CELF2: variants seen among roughly 807,000 people sequenced by gnomAD.
CELF2 encodes the protein CUG triplet repeat RNA-binding protein 2.
In CELF2, 8 loss-of-function variants were observed where a neutral mutation model predicts 62.6. The observed-to-expected ratio is 0.13, with a 90% CI of 0.07 to 0.23. The LOEUF (loss-of-function observed/expected upper bound fraction) is 0.23, where lower values mean the gene tolerates loss of function less well. Ranked by LOEUF, CELF2 falls within the 10% of genes least tolerant of loss-of-function variation. The probability of loss-of-function intolerance (pLI) is 1.00; values close to 1 mark genes in which losing one functional copy is unlikely to be tolerated. For missense variants in CELF2, 333 were observed against 671.0 expected (o/e 0.50, Z 5.56); for synonymous variants, 258 against 250.0 (o/e 1.03, Z -0.30).
the CELF2 span, among the ~76,000 whole-genome samples, chr10:10,751,388 T>A: frequency 2.0e-5 from 3 of 152,246 alleles, no homozygotes; most frequent in Non-Finnish European, 2.9e-5. Context: ...GTAGTTCCAA[T>A]TCAGCTATAA....
At chr10:10,961,290 TTTA>T (rs1167784206) in intron 2 of CELF2, among the ~76,000 whole-genome samples, 1 of 152,232 alleles carries the variant, frequency 6.6e-6, no homozygotes. Flanking sequence ...ACACTGTGTA[TTTA>T]TAGTTTGTGA....
chr10:10,722,471 AAATT>A, the CELF2 span, among the ~76,000 whole-genome samples: 1 of 152,134 alleles, frequency 6.6e-6, no homozygotes, highest in South Asian at 2.1e-4. Flanking sequence ...TCCCTAAAAG[AAATT>A]AAATAAGGGC....
the CELF2 span, among the ~76,000 whole-genome samples, chr10:10,708,302 G>A: frequency 6.6e-6 from 1 of 152,186 alleles, no homozygotes; most frequent in South Asian, 2.1e-4. Context: ...CTTTACAGAA[G>A]AGGAAATTGA....
chr10:10,954,042 G>A (rs1052195783), intron 2 of CELF2, among the ~76,000 whole-genome samples: 3 of 151,758 alleles, frequency 2.0e-5, no homozygotes, highest in Non-Finnish European at 4.4e-5. Context: ...TAAAGCAAAT[G>A]CAAATTAAAC....
At chr10:10,479,871 T>C in the CELF2 span, among the ~76,000 whole-genome samples, 1 of 152,352 alleles carries the variant, frequency 6.6e-6, no homozygotes, top group South Asian at 2.1e-4. Flanking sequence ...TTAGTCACAA[T>C]TTAACCCTTT....
chr10:10,617,868 T>C, the CELF2 span, among the ~76,000 whole-genome samples: 2 of 152,206 alleles, frequency 1.3e-5, no homozygotes, highest in South Asian at 4.1e-4. Context: ...AACATTCCAA[T>C]TCAATAACAC....
intron 2 of CELF2, among the ~76,000 whole-genome samples, chr10:10,964,035 A>C (rs1274385846): frequency 6.6e-6 from 1 of 152,240 alleles, no homozygotes; most frequent in Non-Finnish European, 1.5e-5. Context: ...CTGAATCAAA[A>C]AGATATTAGA....
At chr10:10,689,332 G>A in the CELF2 span, among the ~76,000 whole-genome samples, 1 of 152,220 alleles carries the variant, frequency 6.6e-6, no homozygotes, top group Admixed American at 6.5e-5. Context: ...CAGATCTCAT[G>A]AGGACTCACT....
chr10:11,060,969 C>T (rs1444347918), intron 1 of CELF2, among the ~76,000 whole-genome samples: 1 of 152,132 alleles, frequency 6.6e-6, no homozygotes, highest in Non-Finnish European at 1.5e-5. Flanking sequence ...ATTTCAATTT[C>T]CTAATTGAAA....
intron 1 of CELF2, among the ~76,000 whole-genome samples, chr10:11,091,085 GA>G (rs1353104418): frequency 4.6e-5 from 7 of 152,194 alleles, no homozygotes; most frequent in African/African-American, 7.2e-5. Flanking sequence ...TTTTGAATAG[GA>G]TGATTTCAAG....
chr10:11,244,200 C>T lies in CELF2; in HGVS notation c.355-4953C>T, dbSNP rs2074906020. On this transcript the variant is annotated intron_variant, in intron 3 of 12. Coordinates refer to ENST00000633077, the MANE Select transcript of CELF2 (RefSeq NM_001326342.2). The surrounding 1 kb of genome is among the most constrained non-coding windows in gnomAD (Gnocchi z 4.2). ...CTTGAGAAGGGTGCTCAGGGTGTGG[C>T]CACTGGCTGCCGCCTGTCCTGGCAC... is the stretch of plus-strand genomic sequence containing the variant. Among the ~76,000 whole-genome samples the T allele has an allele frequency of 6.6e-6, 1 of 152,266 alleles. No individual in the cohort carries two copies. Among genetic ancestry groups the T allele is most frequent in the Admixed American group, 6.5e-5 (1 of 15,290 alleles).
the CELF2 span, among the ~76,000 whole-genome samples, chr10:10,673,657 T>A: frequency 6.6e-6 from 1 of 152,188 alleles, no homozygotes. Context: ...TCTTATTCTC[T>A]AACATATGCA....
chr10:11,320,833 T>G (rs1169408782), intron 10 of CELF2: 16 of 1,534,516 alleles, frequency 1.0e-5, no homozygotes, highest in African/African-American at 2.8e-5. Flanking sequence ...AAGGTTTTTT[T>G]TTTTTTTTTT....
At chr10:10,996,735 C>T (rs2053991990) in intron 2 of CELF2, among the ~76,000 whole-genome samples, 1 of 152,132 alleles carries the variant, frequency 6.6e-6, no homozygotes, top group South Asian at 2.1e-4. Context: ...TTTGGATTTG[C>T]CCCGCAGTTC....
At chr10:10,691,448 A>G in the CELF2 span, among the ~76,000 whole-genome samples, 2 of 148,176 alleles carry the variant, frequency 1.3e-5, no homozygotes, top group African/African-American at 5.0e-5. Context: ...GCTATTGTGA[A>G]TAATGCCACA....
chr10:10,512,724 T>C, the CELF2 span, among the ~76,000 whole-genome samples: 1 of 152,292 alleles, frequency 6.6e-6, no homozygotes, highest in African/African-American at 2.4e-5. Flanking sequence ...CTAGAACTCT[T>C]AACAGGATCA....
At chr10:10,731,515 T>C in the CELF2 span, among the ~76,000 whole-genome samples, 1 of 152,148 alleles carries the variant, frequency 6.6e-6, no homozygotes, top group Non-Finnish European at 1.5e-5. Flanking sequence ...CTTCTGAAAG[T>C]TGTAGATAGA....
At chr10:10,486,042 C>T in the CELF2 span, among the ~76,000 whole-genome samples, 1 of 152,114 alleles carries the variant, frequency 6.6e-6, no homozygotes, top group African/African-American at 2.4e-5. Flanking sequence ...GAATTAGAAT[C>T]ATGGAAACAT....
the CELF2 span, among the ~76,000 whole-genome samples, chr10:10,577,364 T>TTATTATTATTA: frequency 1.4e-5 from 2 of 141,404 alleles, no homozygotes; most frequent in Admixed American, 7.0e-5. Context: ...AACAAATCTT[T>TTATTATTATTA]TTATTATTAT....
Sources: allele counts gnomAD v4.1 joint callset (sites outside exome capture counted in the v4.1 genomes callset), GRCh38; gene constraint gnomAD v4.1.1; non-coding constraint Gnocchi (gnomAD v3.1); transcripts MANE v1.5; gene names NCBI Gene and HGNC (gene_info 2026-07-23, HGNC 2026-07-21).